BRD1: variants seen among roughly 807,000 people sequenced by gnomAD.
BRD1 encodes the protein bromodomain-containing protein 1.
In BRD1, 24 loss-of-function variants were observed where a neutral mutation model predicts 107.7. That is an observed-to-expected ratio of 0.22 (90% CI 0.16 to 0.31). The LOEUF is 0.31. BRD1 is among the 10% of genes least tolerant of loss of function. The pLI is 1.00. For synonymous variants in BRD1, 744 were observed against 686.1 expected (o/e 1.08, Z -1.32); for missense variants, 1,279 against 1,638.6 (o/e 0.78, Z 3.79).
intron 3 of BRD1, among the ~76,000 whole-genome samples, chr22:49,801,630 T>C (rs1007539319): frequency 6.6e-6 from 1 of 152,232 alleles, no homozygotes; most frequent in African/African-American, 2.4e-5. Context: ...CTTCTGCTCC[T>C]TCCCAGGTGA....
chr22:49,820,287 G>C (rs1371215313), intron 2 of BRD1, among the ~76,000 whole-genome samples: 4 of 152,318 alleles, frequency 2.6e-5, no homozygotes, highest in Admixed American at 6.5e-5. Context: ...CTAAAACGCT[G>C]CTCAGATGGG....
intron 2 of BRD1, among the ~76,000 whole-genome samples, chr22:49,818,924 C>T (rs927055260): frequency 6.6e-6 from 1 of 151,806 alleles, no homozygotes; most frequent in Admixed American, 6.6e-5. Flanking sequence ...CAACTCAATC[C>T]GTTAATAAAA....
At position 49,788,011 on chromosome 22, in the gene BRD1, T is replaced by C. The variant is rs1195260584; in HGVS notation, c.2360-124A>G. On this transcript the variant is annotated intron_variant, in intron 7 of 12. Coordinates refer to ENST00000404760, the MANE Select transcript of BRD1 (RefSeq NM_001304808.3). Reference sequence around the variant, plus strand: ...AGTTAAGGAAACAAGGCATCGCATGTACTGTCTGCTCGGCAGTGTGGGCCC... The same window carrying C: ...AGTTAAGGAAACAAGGCATCGCATGCACTGTCTGCTCGGCAGTGTGGGCCC... 9.0e-6 allele frequency: 9 copies of C among 997,432 alleles called. No individual in the cohort carries two copies. In the South Asian group the frequency reaches 1.3e-4, roughly 14 times the overall value. The allele number at this position is 997,432 out of a possible 1,614,324, so 61.8% of individuals were successfully genotyped here.
intron 2 of BRD1, among the ~76,000 whole-genome samples, chr22:49,817,885 A>G (rs1441925844): frequency 1.3e-5 from 2 of 152,124 alleles, no homozygotes; most frequent in African/African-American, 4.8e-5. Context: ...ATCACAACTC[A>G]CTGCAGCCTC....
In BRD1 at chr22:49,792,459, C is replaced by T. The variant is rs1160031003; in HGVS notation, c.2359+1575G>A. ...GGGCACAATGGGGCGGCCCAGGGCC[C>T]GGACAGGTATGGCTGCCAGAGGGTC... On this transcript the variant is annotated intron_variant, in intron 7 of 12. Transcript: ENST00000404760. This position sits in a 1 kb window ranked among gnomAD's most constrained non-coding sequence, Gnocchi z 4.2. 1.7e-4 allele frequency among the ~76,000 whole-genome samples: 26 copies of T among 152,130 alleles called. No individual in the cohort carries two copies. Among genetic ancestry groups the T allele is most frequent in the Admixed American group, 1.5e-3 (23 of 15,278 alleles).
intron 1 of BRD1, among the ~76,000 whole-genome samples, chr22:49,826,826 G>A (rs917566514): frequency 1.8e-4 from 28 of 152,330 alleles, no homozygotes; most frequent in African/African-American, 6.0e-4. Flanking sequence ...GGGGCAGGGG[G>A]TCCCGCTGCT....
At chr22:49,779,890 G>A (rs1027640057) in intron 8 of BRD1, among the ~76,000 whole-genome samples, 37 of 152,140 alleles carry the variant, frequency 2.4e-4, no homozygotes, top group Non-Finnish European at 2.4e-4. Flanking sequence ...CAGGCCCGGA[G>A]AGGGGTCTGC....
Position 49,789,055 on chromosome 22 carries a change from C to T in BRD1, c.2360-1168G>A, listed in dbSNP as rs574440096. On this transcript the variant is annotated intron_variant, in intron 7 of 12. Coordinates refer to ENST00000404760, the MANE Select transcript of BRD1 (RefSeq NM_001304808.3). ...CCATGACGCCGGGCAGCAGTGCTTT[C>T]GGCTGCGAGGTGCCTCTGATTTTAA... Among the ~76,000 whole-genome samples the T allele has an allele frequency of 5.3e-5, 8 of 152,322 alleles. No individual in the cohort carries two copies. The South Asian group carries it at 1.5e-3, about 28-fold the overall frequency.
chr22:49,804,921 C>A (rs990314450), intron 2 of BRD1, among the ~76,000 whole-genome samples: 2 of 152,112 alleles, frequency 1.3e-5, no homozygotes, highest in African/African-American at 2.4e-5. Context: ...ATTGAATATC[C>A]AAAAAGAAAA....
chr22:49,798,233 C>G, intron 5 of BRD1, 116 bp from the exon 6 acceptor site: 1 of 1,109,764 alleles, frequency 9.0e-7, no homozygotes, highest in South Asian at 1.5e-5. Context: ...CACACACAGA[C>G]ACGCAGACGG....
chr22:49,781,972 G>A (rs995040392), intron 8 of BRD1, among the ~76,000 whole-genome samples: 8 of 149,434 alleles, frequency 5.4e-5, no homozygotes, highest in African/African-American at 1.8e-4. Context: ...GGGACGGTCC[G>A]AGACAGACCC....
chr22:49,789,990 C>CCCACACG (rs2059402425), intron 7 of BRD1, among the ~76,000 whole-genome samples: 1 of 152,228 alleles, frequency 6.6e-6, no homozygotes, highest in South Asian at 2.1e-4. Flanking sequence ...ATGCATGCAC[C>CCCACACG]CCACACGCCC....
chr22:49,787,371 G>A lies in BRD1; in HGVS notation c.2857+19C>T. The A allele has an allele frequency of 6.3e-7, 1 of 1,596,964 alleles. No individual in the cohort carries two copies. The highest frequency in any genetic ancestry group is 8.5e-7 in the Non-Finnish European group (1 of 1,173,412). ...ACTGGTCGGCAAGGGCGCCTCTCAG[G>A]GCCGCCCGCGGCATTTACCTGCGTC... On this transcript the variant is annotated intron_variant, in intron 8 of 12. Coordinates refer to ENST00000404760, the MANE Select transcript of BRD1 (RefSeq NM_001304808.3).
At chr22:49,789,966 G>GCC (rs2059401870) in intron 7 of BRD1, among the ~76,000 whole-genome samples, 1 of 152,224 alleles carries the variant, frequency 6.6e-6, no homozygotes, top group Non-Finnish European at 1.5e-5. Context: ...GGCCCCTGTG[G>GCC]CCCTGTCTCA....
intron 2 of BRD1, among the ~76,000 whole-genome samples, chr22:49,809,563 A>G (rs2059811355): frequency 6.6e-6 from 1 of 151,586 alleles, no homozygotes; most frequent in Non-Finnish European, 1.5e-5. Context: ...ATATATATAT[A>G]TATATGTAAT....
chr22:49,787,880 T>G lies in BRD1; in HGVS notation c.2367A>C (p.Lys789Asn). Residue 789 changes from lysine (K) to asparagine (N), a missense_variant, in exon 8 of 13, where the codon AAA becomes AAC. Around this residue, in one of 7 missense-constraint regions of BRD1, gnomAD observed 406 missense variants for 519.4 expected, o/e 0.78. Transcript: ENST00000404760. Reference protein sequence around the residue: ...LGPEAGEEGDKSPPKLEPSDA... With the variant: ...LGPEAGEEGDNSPPKLEPSDA... Reference sequence around the variant, plus strand: ...CTGATGGTTCAAGTTTAGGGGGAGATTTATCTCCTGAAAAAATTATAAATA... The same window carrying G: ...CTGATGGTTCAAGTTTAGGGGGAGAGTTATCTCCTGAAAAAATTATAAATA... 6.6e-7 allele frequency: 1 copy of G among 1,509,576 alleles called. No individual in the cohort carries two copies. The highest frequency in any genetic ancestry group is 8.9e-7 in the Non-Finnish European group (1 of 1,127,842). The allele number at this position is 1,509,576 out of a possible 1,614,324, so 93.5% of individuals were successfully genotyped here. A position where few individuals can be genotyped will look rare whatever the true frequency, so the allele number is the denominator to read the frequency against.
intron 12 of BRD1, among the ~76,000 whole-genome samples, chr22:49,774,989 G>A (rs982769153): frequency 2.6e-5 from 4 of 152,248 alleles, no homozygotes; most frequent in African/African-American, 4.8e-5. Flanking sequence ...GCACCTGCCC[G>A]GGCCACGTGC....
At chr22:49,808,786 C>T (rs549659289) in intron 2 of BRD1, among the ~76,000 whole-genome samples, 5 of 152,160 alleles carry the variant, frequency 3.3e-5, no homozygotes, top group African/African-American at 9.7e-5. Flanking sequence ...AAAATGCCCC[C>T]GACTCCAAAA....
intron 2 of BRD1, among the ~76,000 whole-genome samples, chr22:49,812,175 C>T (rs1196635036): frequency 6.8e-6 from 1 of 147,200 alleles, no homozygotes; most frequent in African/African-American, 2.5e-5. Flanking sequence ...GCGATCTCGG[C>T]TCACTGCAAG....
Sources: gnomAD v4.1 joint callset for allele counts (sites outside exome capture counted in the v4.1 genomes callset) on GRCh38, gnomAD v4.1.1 for gene constraint, gnomAD v4.1.1 regional missense constraint, Gnocchi (gnomAD v3.1) non-coding constraint, MANE v1.5 for transcripts, NCBI Gene and HGNC (gene_info 2026-07-23, HGNC 2026-07-21) for gene names.